KDM7A: variants seen among roughly 807,000 people sequenced by gnomAD.
The protein encoded by KDM7A is lysine demethylase 7A.
KDM7A carries 28 observed loss-of-function variants against 114.8 expected under a neutral mutation model. The ratio of observed to expected loss-of-function variants is 0.24; its 90% CI spans 0.18 to 0.33. The LOEUF (loss-of-function observed/expected upper bound fraction) is 0.33, where lower values mean the gene tolerates loss of function less well. Ranked by LOEUF, KDM7A falls within the 10% of genes least tolerant of loss-of-function variation. KDM7A has a pLI of 1.00. For synonymous variants in KDM7A, 423 were observed against 397.8 expected (o/e 1.06, Z -0.75); for missense variants, 942 against 1,142.5 (o/e 0.82, Z 2.53).
chr7:140,119,169 G>A lies in KDM7A; in HGVS notation c.1190C>T (p.Pro397Leu), dbSNP rs1818579071. 6.2e-7 allele frequency: 1 copy of A among 1,608,222 alleles called. No homozygotes were observed. The highest frequency in any genetic ancestry group is 8.5e-7 in the Non-Finnish European group (1 of 1,176,218). ...AAACCAACATATGGCTTCAAAGAAA[G>A]GGAATTTGAAAAGATCTGGTGTTTT... Reference protein sequence around the residue: ...RLKTPDLFKFPFFEAICWFVA... With the variant: ...RLKTPDLFKFLFFEAICWFVA... Residue 397 changes from proline (P) to leucine (L), a missense_variant, in exon 9 of 20, where the codon CCT (proline) becomes CTT (leucine). Physicochemically the swap from Pro to Leu is moderately conservative, Grantham distance 98. Coordinates refer to ENST00000397560, the MANE Select transcript of KDM7A (RefSeq NM_030647.2).
rs1276220277 is a variant in KDM7A at position 140,124,684 on chromosome 7, C to G, written c.988G>C (p.Asp330His). 1.6e-5 allele frequency: 26 copies of G among 1,613,568 alleles called. No homozygotes were observed. Among genetic ancestry groups the G allele is most frequent in the Non-Finnish European group, 2.1e-5 (25 of 1,179,750 alleles). Reference sequence around the variant, plus strand: ...CATTTGTAGCATTTATCCACCTTATCTCCAAAGAACACCTCACTCTGGGTC... The same window carrying G: ...CATTTGTAGCATTTATCCACCTTATGTCCAAAGAACACCTCACTCTGGGTC... ...SVTQSEVFFG[D>H]KVDKCYKCVV... is the part of the protein sequence containing the mutation. Residue 330 changes from aspartate to histidine, a missense_variant, in exon 7 of 20, where the codon GAT (aspartate) becomes CAT (histidine). Physicochemically the swap from Asp to His is moderately conservative, Grantham distance 81. Transcript: ENST00000397560.
intron 1 of KDM7A, among the ~76,000 whole-genome samples, chr7:140,156,377 A>T (rs1357351150): frequency 6.6e-6 from 1 of 152,212 alleles, no homozygotes; most frequent in African/African-American, 2.4e-5. Flanking sequence ...ATGAAATCCA[A>T]ACTCTATTTT....
At chr7:140,091,710 G>C (rs940696363) in intron 19 of KDM7A, 94 bp downstream of exon 19, 6 of 1,373,566 alleles carry the variant, frequency 4.4e-6, no homozygotes, top group Admixed American at 1.9e-5. Flanking sequence ...ATGAGATGTT[G>C]AACAACTTGA....
chr7:140,130,086 A>T (rs1333680984), intron 3 of KDM7A, among the ~76,000 whole-genome samples: 2 of 152,184 alleles, frequency 1.3e-5, no homozygotes, highest in African/African-American at 4.8e-5. Context: ...AAATATTCCA[A>T]AAGAAAAAAA....
At position 140,126,768 on chromosome 7, in the gene KDM7A, T is replaced by A; in HGVS notation, c.757A>T (p.Asn253Tyr). The A allele has an allele frequency of 6.2e-7, 1 of 1,613,988 alleles. No individual in the cohort carries two copies. Among genetic ancestry groups the A allele is most frequent in the Non-Finnish European group, 8.5e-7 (1 of 1,179,958 alleles). The part of the protein sequence containing the change: ...DIAKKLSWVE[N>Y]YWPDDSVFPK... The stretch of plus-strand genomic sequence containing the variant: ...AAGACTGAATCATCTGGCCAATAAT[T>A]TTCCACCCAGGAAAGTTTTTTGGCT... Residue 253 changes from asparagine (N) to tyrosine (Y), a missense_variant, in exon 6 of 20, where the codon AAT (asparagine) becomes TAT (tyrosine). Asn to Tyr is a moderately radical substitution (Grantham distance 143, BLOSUM62 -2). This residue lies in a region of KDM7A where 318 missense variants were observed against 453.1 expected (regional missense o/e 0.70). Transcript: ENST00000397560.
chr7:140,166,186 C>T (rs965988080), intron 1 of KDM7A, among the ~76,000 whole-genome samples: 11 of 151,956 alleles, frequency 7.2e-5, no homozygotes, highest in South Asian at 2.1e-4. Context: ...CTCAGATAAG[C>T]GGGGACACAC....
chr7:140,130,048 A>G (rs1387897361), intron 3 of KDM7A, among the ~76,000 whole-genome samples: 1 of 152,202 alleles, frequency 6.6e-6, no homozygotes, highest in Non-Finnish European at 1.5e-5. Context: ...TTTTCCGATT[A>G]GGGATGCTCA....
At chr7:140,103,542 A>G (rs1311437952) in intron 11 of KDM7A, among the ~76,000 whole-genome samples, 1 of 150,290 alleles carries the variant, frequency 6.7e-6, no homozygotes, top group Admixed American at 6.7e-5. Flanking sequence ...ATTCCCATCT[A>G]TGAGTGAGAA....
At chr7:140,091,257 C>A in intron 19 of KDM7A, 69 bp from the exon 20 acceptor site, 1 of 1,040,922 alleles carries the variant, frequency 9.6e-7, no homozygotes, top group East Asian at 2.4e-5. Flanking sequence ...TGGAAGACTA[C>A]GGGGAGAGCT....
chr7:140,128,225 T>C (rs1355266427), intron 4 of KDM7A, among the ~76,000 whole-genome samples: 1 of 152,210 alleles, frequency 6.6e-6, no homozygotes, highest in Non-Finnish European at 1.5e-5. Context: ...TATAAACCCA[T>C]GAAGTGGTGT....
Position 140,176,930 on chromosome 7 carries a change from C to T in KDM7A, c.8G>A (p.Gly3Glu). MAGAAAAVAAGAA... is the reference protein window; with the variant it reads MAEAAAAVAAGAA... ...TCCCGCGGCCACCGCCGCCGCCGCT[C>T]CGGCCATCTTTAAAAAACACACACA... Residue 3 changes from glycine to glutamate, a missense_variant, in exon 1 of 20, where the codon GGA (glycine) becomes GAA (glutamate). Physicochemically the swap from Gly to Glu is moderately conservative, Grantham distance 98. Coordinates refer to ENST00000397560, the MANE Select transcript of KDM7A (RefSeq NM_030647.2). The surrounding 1 kb of genome is among the most constrained non-coding windows in gnomAD (Gnocchi z 4.4). 8.6e-7 allele frequency: 1 copy of T among 1,159,818 alleles called. No homozygotes were observed. Among genetic ancestry groups the T allele is most frequent in the Non-Finnish European group, 1.1e-6 (1 of 936,668 alleles). 71.8% of individuals were successfully genotyped at this position (1,159,818 alleles called of 1,614,324 possible).
At chr7:140,092,607 CAA>C (rs200398056) in intron 18 of KDM7A, among the ~76,000 whole-genome samples, 1 of 150,638 alleles carries the variant, frequency 6.6e-6, no homozygotes, top group African/African-American at 2.4e-5. Context: ...TTTCAGGGGG[CAA>C]AAAAAACGCT....
intron 9 of KDM7A, among the ~76,000 whole-genome samples, chr7:140,118,751 A>G (rs1261244756): frequency 6.6e-6 from 1 of 152,086 alleles, no homozygotes; most frequent in Non-Finnish European, 1.5e-5. Context: ...TTGGGAACAT[A>G]TAATAGGTAA....
At chr7:140,114,248 G>C (rs1300266090) in intron 9 of KDM7A, among the ~76,000 whole-genome samples, 1 of 151,874 alleles carries the variant, frequency 6.6e-6, no homozygotes. Context: ...CCGCCATCTC[G>C]GCTCACTGCA....
chr7:140,093,976 TAC>T, intron 18 of KDM7A, 78 bp downstream of exon 18: 1 of 870,792 alleles, frequency 1.1e-6, no homozygotes. Context: ...AACTGGTTGT[TAC>T]AGTTTTAAAA....
intron 3 of KDM7A, 143 bp from the exon 4 acceptor site, chr7:140,129,796 A>C: frequency 1.7e-6 from 1 of 593,842 alleles, no homozygotes. Context: ...TTTTAATGAC[A>C]AATGTTTTGT....
chr7:140,143,549 C>T (rs1183490610), intron 1 of KDM7A, among the ~76,000 whole-genome samples: 1 of 152,176 alleles, frequency 6.6e-6, no homozygotes, highest in Non-Finnish European at 1.5e-5. Flanking sequence ...ATTCTACCCA[C>T]AACCATGTAA....
chr7:140,114,980 G>A (rs553890977), intron 9 of KDM7A, among the ~76,000 whole-genome samples: 17 of 148,356 alleles, frequency 1.1e-4, no homozygotes, highest in African/African-American at 2.5e-4. Context: ...CCCGGCAGCC[G>A]CCCCATCCGG....
At chr7:140,136,929 G>A (rs1818880168) in intron 2 of KDM7A, among the ~76,000 whole-genome samples, 1 of 152,056 alleles carries the variant, frequency 6.6e-6, no homozygotes. Flanking sequence ...GGAGGTTGCA[G>A]TGAGCCAAGA....
Sources: allele counts gnomAD v4.1 joint callset (sites outside exome capture counted in the v4.1 genomes callset), GRCh38; gene constraint gnomAD v4.1.1; regional missense constraint gnomAD v4.1.1; non-coding constraint Gnocchi (gnomAD v3.1); transcripts MANE v1.5; gene names NCBI Gene and HGNC (gene_info 2026-07-23, HGNC 2026-07-21).